Variants in SAP30BP observed in about 807,000 individuals in gnomAD.
The protein encoded by SAP30BP is SAP30 binding protein, also known as SAP30-binding protein.
SAP30BP carries 31 observed loss-of-function variants against 46.3 expected under a neutral mutation model. The ratio of observed to expected loss-of-function variants is 0.67; its 90% CI spans 0.50 to 0.90. SAP30BP has a LOEUF of 0.90. SAP30BP is among the 40% of genes least tolerant of loss of function. The pLI, the probability that SAP30BP is intolerant of heterozygous loss-of-function variation, is 0.00. For missense variants in SAP30BP, 312 were observed against 391.0 expected (o/e 0.80, Z 1.70); for synonymous variants, 169 against 144.2 (o/e 1.17, Z -1.23).
chr17:75,672,153 A>C, intron 3 of SAP30BP: 7 of 411,088 alleles, frequency 1.7e-5, no homozygotes. Context: ...TGCATCCCAG[A>C]TGGGGCTTTA....
At chr17:75,680,012 T>A (rs1303970298) in intron 3 of SAP30BP, 4 of 152,252 alleles carry the variant, frequency 2.6e-5, no homozygotes, top group Admixed American at 6.5e-5. Context: ...TGGATGAAGC[T>A]GTTTCCATTC....
intron 4 of SAP30BP, among the ~76,000 whole-genome samples, chr17:75,694,085 C>T (rs1358451294): frequency 6.6e-6 from 1 of 152,188 alleles, no homozygotes; most frequent in South Asian, 2.1e-4. Context: ...GGGCAGTTCC[C>T]GGCATCTGAG....
At chr17:75,676,576 C>T (rs1228873421) in intron 3 of SAP30BP, among the ~76,000 whole-genome samples, 1 of 152,194 alleles carries the variant, frequency 6.6e-6, no homozygotes. Flanking sequence ...ATACCCAAGT[C>T]CAGATAACTA....
chr17:75,685,480 G>T (rs117724185), intron 3 of SAP30BP, among the ~76,000 whole-genome samples: 2 of 152,012 alleles, frequency 1.3e-5, no homozygotes, highest in African/African-American at 4.8e-5. Flanking sequence ...CCTTCCTACC[G>T]GTGTCGATGA....
intron 3 of SAP30BP, among the ~76,000 whole-genome samples, chr17:75,678,221 T>C (rs1267128100): frequency 1.3e-5 from 2 of 152,010 alleles, no homozygotes; most frequent in African/African-American, 4.8e-5. Flanking sequence ...TAAGTAAAAA[T>C]AAAATGCAGT....
At chr17:75,683,400 TA>T (rs2060113827) in intron 3 of SAP30BP, 1 of 152,102 alleles carries the variant, frequency 6.6e-6, no homozygotes, top group African/African-American at 2.4e-5. Flanking sequence ...GAGATTTTTT[TA>T]AAAACCCATT....
intron 5 of SAP30BP, among the ~76,000 whole-genome samples, 176 bp from the exon 6 acceptor site, chr17:75,702,304 G>A (rs550931158): frequency 9.9e-5 from 15 of 151,374 alleles, no homozygotes; most frequent in East Asian, 9.7e-4. Flanking sequence ...GATTACAGGC[G>A]TGAGCCACCG....
intron 9 of SAP30BP, 175 bp from the exon 10 acceptor site, chr17:75,705,833 C>A: frequency 9.2e-7 from 1 of 1,088,052 alleles, no homozygotes; most frequent in Non-Finnish European, 1.3e-6. Flanking sequence ...GAGTGAAAAG[C>A]CCCTTTGGGT....
chr17:75,695,923 T>C (rs1193363998), intron 4 of SAP30BP, among the ~76,000 whole-genome samples: 1 of 152,098 alleles, frequency 6.6e-6, no homozygotes, highest in African/African-American at 2.4e-5. Flanking sequence ...GTGGGTTCTC[T>C]CTGTCACTCA....
chr17:75,706,713 C>A lies in SAP30BP; in HGVS notation c.*192C>A. The A allele has an allele frequency of 1.7e-6, 1 of 599,230 alleles. No homozygotes were observed. The highest frequency in any genetic ancestry group is 2.8e-5 in the East Asian group (1 of 35,888). The allele number at this position is 599,230 out of a possible 1,614,324, so 37.1% of individuals were successfully genotyped here. ...AGGCGCTGTGGACAGGGTCTGTCCA[C>A]GCACCACCTGGGGTCTGCCGCCTAT... On this transcript the variant is annotated 3_prime_UTR_variant, in exon 11 of 11. Transcript: ENST00000584667. The surrounding 1 kb of genome is among the most constrained non-coding windows in gnomAD (Gnocchi z 4.6).
intron 9 of SAP30BP, 136 bp from the exon 10 acceptor site, chr17:75,705,872 A>G (rs911785088): frequency 6.9e-6 from 9 of 1,298,566 alleles, no homozygotes; most frequent in Non-Finnish European, 9.6e-6. Flanking sequence ...CCTACCCCAG[A>G]TGGGCAGAGC....
intron 3 of SAP30BP, among the ~76,000 whole-genome samples, chr17:75,676,701 A>AG (rs1486327657): frequency 1.3e-5 from 2 of 152,240 alleles, no homozygotes; most frequent in African/African-American, 4.8e-5. Context: ...CAGTAACCTG[A>AG]GGTCAGCTGC....
intron 7 of SAP30BP, 70 bp from the exon 8 acceptor site, chr17:75,703,738 G>A: frequency 3.6e-6 from 5 of 1,374,520 alleles, no homozygotes; most frequent in Non-Finnish European, 5.2e-6. Flanking sequence ...AGCTCTATGG[G>A]AAGACTTGGG....
At chr17:75,682,328 G>C (rs975001913) in intron 3 of SAP30BP, among the ~76,000 whole-genome samples, 1 of 151,904 alleles carries the variant, frequency 6.6e-6, no homozygotes, top group African/African-American at 2.4e-5. Context: ...GGGATTACAG[G>C]TGTGCACCAC....
chr17:75,668,469 T>G, intron 1 of SAP30BP, 47 bp from the exon 2 acceptor site: 1 of 1,257,476 alleles, frequency 8.0e-7, no homozygotes. Flanking sequence ...AACTCTTGTT[T>G]TTTTTTTCTT....
chr17:75,703,129 G>T, intron 6 of SAP30BP, 182 bp from the exon 7 acceptor site: 1 of 604,258 alleles, frequency 1.7e-6, no homozygotes. Context: ...TGCTCCTCCC[G>T]GCCCCTAGCT....
At chr17:75,705,514 C>G (rs890286665) in intron 9 of SAP30BP, 14 of 583,788 alleles carry the variant, frequency 2.4e-5, no homozygotes, top group Non-Finnish European at 3.1e-5. Context: ...GGGCCAGGAA[C>G]GTGGGAGCTG....
chr17:75,691,035 A>G (rs572200758), intron 3 of SAP30BP, among the ~76,000 whole-genome samples: 5 of 152,276 alleles, frequency 3.3e-5, no homozygotes, highest in African/African-American at 1.2e-4. Flanking sequence ...TCTGTGGTCC[A>G]TTGGTCAGTA....
At chr17:75,687,707 C>A (rs2148398003) in intron 3 of SAP30BP, among the ~76,000 whole-genome samples, 2 of 152,236 alleles carry the variant, frequency 1.3e-5, no homozygotes, top group South Asian at 4.1e-4. Flanking sequence ...GTCCCCTCCC[C>A]ACCTTCTCCT....
Sources: allele counts gnomAD v4.1 joint callset (sites outside exome capture counted in the v4.1 genomes callset), GRCh38; gene constraint gnomAD v4.1.1; non-coding constraint Gnocchi (gnomAD v3.1); transcripts MANE v1.5; gene names NCBI Gene and HGNC (gene_info 2026-07-23, HGNC 2026-07-21).